NPR2: variants seen among roughly 807,000 people sequenced by gnomAD.
The protein encoded by NPR2 is atrial natriuretic peptide receptor 2.
A neutral mutation model predicts 120.7 loss-of-function variants in NPR2; 49 were observed. That is an observed-to-expected ratio of 0.41 (90% confidence interval 0.32 to 0.52). The LOEUF is 0.52. Among genes scored for constraint, NPR2 ranks in the 20% least tolerant of loss-of-function variants. NPR2 has a pLI of 0.36. For synonymous variants in NPR2, 484 were observed against 519.8 expected (o/e 0.93, Z 0.94); for missense variants, 931 against 1,362.9 (o/e 0.68, Z 4.99).
Position 35,800,964 on chromosome 9 carries a change from C to A in NPR2, c.1352-106C>A. On this transcript the variant is annotated intron_variant, in intron 6 of 21. Coordinates refer to ENST00000342694, the MANE Select transcript of NPR2 (RefSeq NM_003995.4). The surrounding 1 kb of genome is among the most constrained non-coding windows in gnomAD (Gnocchi z 4.7). ...CTTTACGTCTGCATCCCTCCCTCCT[C>A]ATTTCTTCCTACTCCCAAGGAGTCT... 6.5e-7 allele frequency: 1 copy of A among 1,536,438 alleles called. No homozygotes were observed. Among genetic ancestry groups the A allele is most frequent in the Non-Finnish European group, 9.0e-7 (1 of 1,109,182 alleles).
At position 35,809,062 on chromosome 9, in the gene NPR2, T is replaced by G. The variant is rs540758082; in HGVS notation, c.2987-94T>G. The G allele has an allele frequency of 1.4e-5, 17 of 1,242,028 alleles. No homozygotes were observed. The East Asian group carries it at 3.9e-4, about 29-fold the overall frequency. 76.9% of individuals were successfully genotyped at this position (1,242,028 alleles called of 1,614,324 possible). ...GCATTGGGAGCTTCCCAGGGATGGT[T>G]GGTCGGGCACGGTGCTATACAGTAT... On this transcript the variant is annotated intron_variant, in intron 20 of 21. Transcript: ENST00000342694. This position sits in a 1 kb window ranked among gnomAD's most constrained non-coding sequence, Gnocchi z 4.1.
intron 3 of NPR2, 143 bp downstream of exon 3, chr9:35,799,874 T>C: frequency 2.1e-6 from 3 of 1,408,510 alleles, no homozygotes; most frequent in Non-Finnish European, 3.0e-6. Flanking sequence ...CCTTCTGCCC[T>C]ATGGAGTAGT....
chr9:35,808,460 T>A lies in NPR2; in HGVS notation c.2713-49T>A. On this transcript the variant is annotated intron_variant, in intron 18 of 21. Coordinates refer to ENST00000342694, the MANE Select transcript of NPR2 (RefSeq NM_003995.4). The surrounding 1 kb of genome is among the most constrained non-coding windows in gnomAD (Gnocchi z 4.0). ...GCTTGTCTCCCTCTACTTTTTCCCA[T>A]CCCCATGGATATAAATAGAGGTGAC... 6.3e-7 allele frequency: 1 copy of A among 1,594,074 alleles called. No homozygotes were observed. The highest frequency in any genetic ancestry group is 8.6e-7 in the Non-Finnish European group (1 of 1,162,452).
chr9:35,795,852 T>A (rs1299824302), intron 2 of NPR2, among the ~76,000 whole-genome samples: 1 of 152,194 alleles, frequency 6.6e-6, no homozygotes, highest in Non-Finnish European at 1.5e-5. Flanking sequence ...TATTATTCAG[T>A]CTGTGTTTGA....
At chr9:35,799,925 A>G in intron 3 of NPR2, 97 bp from the exon 4 acceptor site, 1 of 1,576,396 alleles carries the variant, frequency 6.3e-7, no homozygotes, top group Non-Finnish European at 8.7e-7. Flanking sequence ...GGAAGAAAGC[A>G]AACCAGAAGA....
Position 35,806,254 on chromosome 9 carries a change from A to AG in NPR2, c.2372+25dup, listed in dbSNP as rs1486359662. 3 of 1,613,942 alleles carry AG rather than the reference A, an allele frequency of 1.9e-6. No homozygotes were observed. The African/African-American group carries it at 4.0e-5, about 22-fold the overall frequency. On this transcript the variant is annotated intron_variant, in intron 15 of 21. Coordinates refer to ENST00000342694, the MANE Select transcript of NPR2 (RefSeq NM_003995.4). The surrounding 1 kb of genome is among the most constrained non-coding windows in gnomAD (Gnocchi z 4.6). ...AACAAGTGAGAGGGCATTATGGGGC[A>AG]GGGGCTTCCCAGGGATAGAAGACTC... is the stretch of plus-strand genomic sequence containing the variant.
chr9:35,793,205 C>A, intron 1 of NPR2, 130 bp downstream of exon 1: 1 of 1,015,206 alleles, frequency 9.9e-7, no homozygotes, highest in Non-Finnish European at 1.4e-6. Context: ...TCAAGAAGCA[C>A]ACGTGGACAG....
rs767409259 is a variant in NPR2 at position 35,802,525 on chromosome 9, A to T, written c.1733A>T (p.His578Leu). The T allele has an allele frequency of 6.2e-7, 1 of 1,602,238 alleles. No homozygotes were observed. Reference protein sequence around the residue: ...LKHMRDVQFNHLTRFIGACID... With the variant: ...LKHMRDVQFNLLTRFIGACID... The stretch of plus-strand genomic sequence containing the variant: ...CAGATGAGAGATGTTCAGTTCAACC[A>T]TCTCACTCGCTTCATTGGCGCCTGC... The change falls in exon 11 of 22, where the codon CAT becomes CTT. Residue 578 changes from histidine to leucine, a missense_variant. By Grantham distance (99) the His-to-Leu change is moderately conservative (BLOSUM62 -3). Around this residue, in one of 3 missense-constraint regions of NPR2, gnomAD observed 681 missense variants for 974.3 expected, o/e 0.70. Coordinates refer to ENST00000342694, the MANE Select transcript of NPR2 (RefSeq NM_003995.4). This position sits in a 1 kb window ranked among gnomAD's most constrained non-coding sequence, Gnocchi z 4.2.
chr9:35,792,312 C>A lies in NPR2; in HGVS notation c.-97C>A, dbSNP rs1241785529. On this transcript the variant is annotated 5_prime_UTR_variant, in exon 1 of 22. Transcript: ENST00000342694. ...TAGCCTACTCCTCCTCTTCCTGGCC[C>A]TCTTCCCCAGGCTCCAGGCTGGGGG... The A allele has an allele frequency of 7.4e-7, 1 of 1,355,262 alleles. No homozygotes were observed. The highest frequency in any genetic ancestry group is 2.5e-5 in the East Asian group (1 of 40,368). The allele number at this position is 1,355,262 out of a possible 1,614,324, so 84.0% of individuals were successfully genotyped here. A position where few individuals can be genotyped will look rare whatever the true frequency, so the allele number is the denominator to read the frequency against.
chr9:35,808,982 T>C lies in NPR2; in HGVS notation c.2986+129T>C. ...TAGTGTCGCATCCTCGGGCATATTT[T>C]GGTTCTAATAGATATGCATTGGGAG... On this transcript the variant is annotated intron_variant, in intron 20 of 21. Coordinates refer to ENST00000342694, the MANE Select transcript of NPR2 (RefSeq NM_003995.4). This position sits in a 1 kb window ranked among gnomAD's most constrained non-coding sequence, Gnocchi z 4.0. 1.1e-6 allele frequency: 1 copy of C among 927,766 alleles called. No homozygotes were observed. The highest frequency in any genetic ancestry group is 1.8e-6 in the Non-Finnish European group (1 of 561,606). The allele number at this position is 927,766 out of a possible 1,614,324, so 57.5% of individuals were successfully genotyped here.
rs1452208078 is a variant in NPR2, at chr9:35,808,641, C to T, written c.2845C>T (p.Arg949Ter). 1.9e-6 allele frequency: 3 copies of T among 1,614,182 alleles called. No homozygotes were observed. Among genetic ancestry groups the T allele is most frequent in the Non-Finnish European group, 2.5e-6 (3 of 1,180,022 alleles). ...AGTTTCTTCCTTTCGCATCCGCCACCGACCCCATGACCAGCTGAGGCTACG... is the reference window on the plus strand; with the variant it reads ...AGTTTCTTCCTTTCGCATCCGCCACTGACCCCATGACCAGCTGAGGCTACG... ...DAVSSFRIRHRPHDQLRLRIG... is the reference protein window; with the variant it reads ...DAVSSFRIRH Residue 949 changes from arginine (R) to a stop codon, truncating the protein, a stop_gained, in exon 19 of 22, where the codon CGA becomes TGA. Coordinates refer to ENST00000342694, the MANE Select transcript of NPR2 (RefSeq NM_003995.4). LOFTEE classifies it high-confidence loss of function. This position sits in a 1 kb window ranked among gnomAD's most constrained non-coding sequence, Gnocchi z 4.0.
intron 12 of NPR2, among the ~76,000 whole-genome samples, chr9:35,803,536 A>ATTTT (rs1828254349): frequency 6.6e-6 from 1 of 152,378 alleles, no homozygotes; most frequent in African/African-American, 2.4e-5. Flanking sequence ...GAAAACTGAA[A>ATTTT]TTTAAAAAAG....
intron 12 of NPR2, among the ~76,000 whole-genome samples, chr9:35,804,531 C>A (rs1482630707): frequency 1.3e-5 from 2 of 152,218 alleles, no homozygotes; most frequent in Non-Finnish European, 2.9e-5. Flanking sequence ...CTGAGCCCGG[C>A]CTTTAAGACT....
In NPR2 at chr9:35,792,229, T is replaced by C; in HGVS notation, c.-180T>C. The C allele has an allele frequency of 1.8e-6, 1 of 561,284 alleles. No individual in the cohort carries two copies. Among genetic ancestry groups the C allele is most frequent in the South Asian group, 2.0e-5 (1 of 49,176 alleles). 34.8% of individuals were successfully genotyped at this position (561,284 alleles called of 1,614,324 possible). A position where few individuals can be genotyped will look rare whatever the true frequency, so the allele number is the denominator to read the frequency against. On this transcript the variant is annotated 5_prime_UTR_variant, in exon 1 of 22. Coordinates refer to ENST00000342694, the MANE Select transcript of NPR2 (RefSeq NM_003995.4). ...CCCACTCCTTGCCCGCCCCCCGCCT[T>C]CCTCCCATCTCCCCCTCCTCTCCCC...
intron 7 of NPR2, 37 bp from the exon 8 acceptor site, chr9:35,801,606 C>T (rs780549583): frequency 1.1e-5 from 18 of 1,613,590 alleles, no homozygotes; most frequent in Admixed American, 1.0e-4. Flanking sequence ...TGGCAGGATT[C>T]GGCTTGCCAG....
At chr9:35,796,476 C>T (rs912985902) in intron 2 of NPR2, among the ~76,000 whole-genome samples, 7 of 152,216 alleles carry the variant, frequency 4.6e-5, no homozygotes, top group African/African-American at 9.7e-5. Context: ...TGAGCCACTG[C>T]GCCTTGCTGG....
chr9:35,797,178 G>A (rs1292298827), intron 2 of NPR2, among the ~76,000 whole-genome samples: 1 of 152,176 alleles, frequency 6.6e-6, no homozygotes, highest in African/African-American at 2.4e-5. Flanking sequence ...TGAATTAGGG[G>A]TGTGTTGGGG....
Position 35,800,141 on chromosome 9 carries a change from G to A in NPR2, c.1107G>A (p.Gln369=), listed in dbSNP as rs545886528. ...GACTTCGAATTGTGGAAAAGATGCA[G>A]GGACGAAGATATCACGGTAATGAAG... The part of the protein sequence containing the change: ...EDGLRIVEKM[Q]GRRYHGVTGL... The change falls in exon 4 of 22, where the codon CAG becomes CAA. Residue 369 remains glutamine (Q), a synonymous_variant. Coordinates refer to ENST00000342694, the MANE Select transcript of NPR2 (RefSeq NM_003995.4). This position sits in a 1 kb window ranked among gnomAD's most constrained non-coding sequence, Gnocchi z 4.7. 1 of 1,613,950 alleles carries A rather than the reference G, an allele frequency of 6.2e-7. No homozygotes were observed. Among genetic ancestry groups the A allele is most frequent in the African/African-American group, 1.3e-5 (1 of 75,040 alleles).
chr9:35,791,723 C>A lies in NPR2; in HGVS notation c.-686C>A, dbSNP rs940074388. On this transcript the variant is annotated 5_prime_UTR_variant, in exon 1 of 22. Transcript: ENST00000342694. ...CGCCGGGCAGCGCCGGCCGCCAGGG[C>A]CCAGGAGAAGCGGAGCAGAGAGGAG... Among the ~76,000 whole-genome samples, 2 of 151,618 alleles carry A rather than the reference C, an allele frequency of 1.3e-5. No homozygotes were observed. The highest frequency in any genetic ancestry group is 2.9e-5 in the Non-Finnish European group (2 of 67,802).
Sources: gnomAD v4.1 joint callset for allele counts (sites outside exome capture counted in the v4.1 genomes callset) on GRCh38, gnomAD v4.1.1 for gene constraint, gnomAD v4.1.1 regional missense constraint, Gnocchi (gnomAD v3.1) non-coding constraint, MANE v1.5 for transcripts, NCBI Gene and HGNC (gene_info 2026-07-23, HGNC 2026-07-21) for gene names.